Variants in DCAF10 observed in about 807,000 individuals in gnomAD.
DCAF10 encodes DDB1 and CUL4 associated factor 10.
In DCAF10, 19 loss-of-function variants were observed where a neutral mutation model predicts 51.9. That is an observed-to-expected ratio of 0.37 (90% CI 0.26 to 0.54). DCAF10 has a LOEUF of 0.54. DCAF10 is among the 20% of genes least tolerant of loss of function. The probability of loss-of-function intolerance (pLI) is 0.87; values close to 1 mark genes in which losing one functional copy is unlikely to be tolerated. For synonymous variants in DCAF10, 291 were observed against 297.1 expected (o/e 0.98, Z 0.21); for missense variants, 510 against 730.6 (o/e 0.70, Z 3.48).
At chr9:37,824,006 G>A (rs994949458) in intron 2 of DCAF10, among the ~76,000 whole-genome samples, 2 of 150,674 alleles carry the variant, frequency 1.3e-5, no homozygotes, top group African/African-American at 4.9e-5. Context: ...TCAGCCTCCC[G>A]AGTAGCTGGG....
In DCAF10 at chr9:37,801,032, C is replaced by T. The variant is rs755556944; in HGVS notation, c.166C>T (p.Arg56Cys). 2.7e-5 allele frequency: 41 copies of T among 1,537,498 alleles called. No homozygotes were observed. In the African/African-American group the frequency reaches 5.5e-4, roughly 21 times the overall value. Residue 56 changes from arginine (R) to cysteine (C), a missense_variant, in exon 1 of 7, where the codon CGC (arginine) becomes TGC (cysteine). Physicochemically the swap from Arg to Cys is radical, Grantham distance 180 (BLOSUM62 -3). Coordinates refer to ENST00000377724, the MANE Select transcript of DCAF10 (RefSeq NM_024345.5). The surrounding 1 kb of genome is among the most constrained non-coding windows in gnomAD (Gnocchi z 5.5). ...HPPPPARSPRRPGAPSLSPAP... is the reference protein window; with the variant it reads ...HPPPPARSPRCPGAPSLSPAP... ...CCCTCCACCCGCCCGAAGCCCTCGC[C>T]GCCCCGGCGCCCCATCGCTGTCCCC...
intron 2 of DCAF10, among the ~76,000 whole-genome samples, chr9:37,838,421 T>C (rs1042285356): frequency 6.8e-6 from 1 of 148,102 alleles, no homozygotes; most frequent in Non-Finnish European, 1.5e-5. Flanking sequence ...TTTGGCTACA[T>C]TAAAAAAAAC....
rs753424111 is a variant in DCAF10, at chr9:37,861,096, T to C, written c.1312-44T>C. 1 of 1,566,606 alleles carries C rather than the reference T, an allele frequency of 6.4e-7. No homozygotes were observed. The highest frequency in any genetic ancestry group is 8.7e-7 in the Non-Finnish European group (1 of 1,153,142). The stretch of plus-strand genomic sequence containing the variant: ...AAAATAAGGAATATCTGTAGCACTA[T>C]TTGGGCTCTGTAACCTTGGTTTGTC... On this transcript the variant is annotated intron_variant, in intron 6 of 6. Coordinates refer to ENST00000377724, the MANE Select transcript of DCAF10 (RefSeq NM_024345.5). The surrounding 1 kb of genome is among the most constrained non-coding windows in gnomAD (Gnocchi z 4.9).
chr9:37,828,602 C>A (rs1444212178), intron 2 of DCAF10, among the ~76,000 whole-genome samples: 1 of 152,082 alleles, frequency 6.6e-6, no homozygotes, highest in Non-Finnish European at 1.5e-5. Flanking sequence ...GATTTTAAAA[C>A]TTATATAGAA....
At chr9:37,840,245 A>G (rs1830291650) in intron 2 of DCAF10, among the ~76,000 whole-genome samples, 1 of 152,200 alleles carries the variant, frequency 6.6e-6, no homozygotes, top group Non-Finnish European at 1.5e-5. Context: ...TTGTTATTTT[A>G]GAATGTACTC....
At chr9:37,815,861 A>AT (rs1245558685) in intron 1 of DCAF10, among the ~76,000 whole-genome samples, 1 of 152,010 alleles carries the variant, frequency 6.6e-6, no homozygotes, top group African/African-American at 2.4e-5. Flanking sequence ...TGGCATGATT[A>AT]TAGCTCACTA....
At chr9:37,854,642 T>C in intron 3 of DCAF10, 138 bp from the exon 4 acceptor site, 2 of 698,784 alleles carry the variant, frequency 2.9e-6, no homozygotes, top group South Asian at 3.7e-5. Context: ...TTATTCCTCC[T>C]AATTGTAATT....
rs1243919548 is a variant in DCAF10, at chr9:37,800,921, G to A, written c.55G>A (p.Ala19Thr). 1.3e-6 allele frequency: 2 copies of A among 1,496,752 alleles called. No individual in the cohort carries two copies. The highest frequency in any genetic ancestry group is 2.5e-5 in the East Asian group (1 of 39,708). 92.7% of individuals were successfully genotyped at this position (1,496,752 alleles called of 1,614,324 possible). A position where few individuals can be genotyped will look rare whatever the true frequency, so the allele number is the denominator to read the frequency against. Reference protein sequence around the residue: ...PGGDGSAGAGAEEPTPHEGQA... With the variant: ...PGGDGSAGAGTEEPTPHEGQA... ...AGGGGACGGATCGGCCGGAGCCGGGGCTGAGGAGCCGACGCCCCACGAGGG... is the reference window on the plus strand; with the variant it reads ...AGGGGACGGATCGGCCGGAGCCGGGACTGAGGAGCCGACGCCCCACGAGGG... The change falls in exon 1 of 7, where the codon GCT becomes ACT. Residue 19 changes from alanine (A) to threonine (T), a missense_variant. Ala to Thr is a moderately conservative substitution (Grantham distance 58). Around this residue, in one of 4 missense-constraint regions of DCAF10, gnomAD observed 251 missense variants for 227.9 expected, o/e 1.10. Coordinates refer to ENST00000377724, the MANE Select transcript of DCAF10 (RefSeq NM_024345.5).
chr9:37,800,712 C>G, upstream of DCAF10: 1 of 1,535,738 alleles, frequency 6.5e-7, no homozygotes, highest in Non-Finnish European at 8.7e-7. Context: ...GGTGTCTCAG[C>G]TTTCCCGGTC....
chr9:37,820,035 A>T (rs1177784954), intron 2 of DCAF10, among the ~76,000 whole-genome samples: 1 of 152,250 alleles, frequency 6.6e-6, no homozygotes, highest in African/African-American at 2.4e-5. Context: ...GAAATATTTT[A>T]AAATTCTAAC....
In DCAF10 at chr9:37,866,331, TTATTA is replaced by T. The variant is rs1831136427; in HGVS notation, c.*4826_*4830del. On this transcript the variant is annotated 3_prime_UTR_variant, in exon 7 of 7. Coordinates refer to ENST00000377724, the MANE Select transcript of DCAF10 (RefSeq NM_024345.5). The stretch of plus-strand genomic sequence containing the variant: ...AAGTTAAAGTTATATTCATAATGTA[TTATTA>T]TAAGTATCCAGCTCTGATGTATGTA... 1 of 152,644 alleles carries T rather than the reference TTATTA, an allele frequency of 6.6e-6. No individual in the cohort carries two copies. Among genetic ancestry groups the T allele is most frequent in the Non-Finnish European group, 1.5e-5 (1 of 68,038 alleles). 9.5% of individuals were successfully genotyped at this position (152,644 alleles called of 1,614,324 possible). A position where few individuals can be genotyped will look rare whatever the true frequency, so the allele number is the denominator to read the frequency against.
chr9:37,815,166 C>T (rs1308994324), intron 1 of DCAF10, among the ~76,000 whole-genome samples: 1 of 152,052 alleles, frequency 6.6e-6, no homozygotes, highest in Non-Finnish European at 1.5e-5. Context: ...CAGAACTTTC[C>T]TTAATCTAAT....
At chr9:37,860,863 C>T (rs1291929201) in intron 6 of DCAF10, among the ~76,000 whole-genome samples, 1 of 152,026 alleles carries the variant, frequency 6.6e-6, no homozygotes, top group African/African-American at 2.4e-5. Context: ...TTGTTGTTGC[C>T]CTTAGAAAAG....
intron 2 of DCAF10, among the ~76,000 whole-genome samples, chr9:37,838,069 C>CATAT (rs1227602722): frequency 6.6e-6 from 1 of 151,702 alleles, no homozygotes; most frequent in African/African-American, 2.4e-5. Flanking sequence ...AAACATAAAC[C>CATAT]ATATAAAAGA....
At chr9:37,816,659 G>GGTGTGTGTGTGTGTGTGT (rs1554685707) in intron 1 of DCAF10, among the ~76,000 whole-genome samples, 122 of 144,956 alleles carry the variant, frequency 8.4e-4, no homozygotes, top group African/African-American at 2.8e-3. Flanking sequence ...CTGCACCTGG[G>GGTGTGTGTGTGTGTGTGT]GTGTGTGTGT....
At chr9:37,841,386 A>T (rs911024156) in intron 2 of DCAF10, among the ~76,000 whole-genome samples, 1 of 152,218 alleles carries the variant, frequency 6.6e-6, no homozygotes, top group African/African-American at 2.4e-5. Flanking sequence ...ATTAAGCAAA[A>T]ATTCAAGTGT....
At chr9:37,808,146 G>A (rs1206486652) in intron 1 of DCAF10, among the ~76,000 whole-genome samples, 1 of 151,972 alleles carries the variant, frequency 6.6e-6, no homozygotes, top group East Asian at 1.9e-4. Context: ...TAAATAAAAA[G>A]ATAACTAGCT....
intron 5 of DCAF10, among the ~76,000 whole-genome samples, chr9:37,859,045 TA>T (rs1388573098): frequency 6.6e-6 from 1 of 152,230 alleles, no homozygotes; most frequent in Admixed American, 6.5e-5. Context: ...AATTAATTCT[TA>T]AAATAAGAGT....
intron 1 of DCAF10, among the ~76,000 whole-genome samples, chr9:37,806,144 A>G (rs1199480873): frequency 6.6e-6 from 1 of 152,194 alleles, no homozygotes. Flanking sequence ...CTTACTCTTA[A>G]TGGCATTCGT....
Sources: allele counts gnomAD v4.1 joint callset (sites outside exome capture counted in the v4.1 genomes callset), GRCh38; gene constraint gnomAD v4.1.1; regional missense constraint gnomAD v4.1.1; non-coding constraint Gnocchi (gnomAD v3.1); transcripts MANE v1.5; gene names NCBI Gene and HGNC (gene_info 2026-07-23, HGNC 2026-07-21).